Variants in DENND11 observed in about 807,000 individuals in gnomAD.
The protein encoded by DENND11 is DENN domain containing 11.
Under a neutral mutation model 49.2 loss-of-function variants are expected in DENND11, and 34 were observed. The ratio of observed to expected loss-of-function variants is 0.69; its 90% CI spans 0.53 to 0.92. The LOEUF (loss-of-function observed/expected upper bound fraction) is 0.92. Among genes scored for constraint, DENND11 ranks in the 40% least tolerant of loss-of-function variants. DENND11 has a pLI of 0.00. For missense variants in DENND11, 475 were observed against 581.6 expected (o/e 0.82, Z 1.88); for synonymous variants, 238 against 230.3 (o/e 1.03, Z -0.30).
chr7:141,692,996 GA>G (rs1363547021), intron 1 of DENND11, among the ~76,000 whole-genome samples: 1 of 151,922 alleles, frequency 6.6e-6, no homozygotes, highest in African/African-American at 2.4e-5. Context: ...ATTCATGAAG[GA>G]AAAATGGATA....
chr7:141,680,921 T>C, intron 3 of DENND11, among the ~76,000 whole-genome samples: 1 of 151,998 alleles, frequency 6.6e-6, no homozygotes, highest in Non-Finnish European at 1.5e-5. Flanking sequence ...GTCACTGTAT[T>C]GGGGGTCTCT....
In DENND11 at chr7:141,700,220, T is replaced by C. The variant is rs529691642; in HGVS notation, c.268+1666A>G. 5.3e-5 allele frequency among the ~76,000 whole-genome samples: 8 copies of C among 152,332 alleles called. No homozygotes were observed. In the South Asian group the frequency reaches 1.7e-3, roughly 32 times the overall value. ...TATTCCTTCTAGTTACTCTGAAATATTTCCCAGGATAAGTCAAATGCTGGT... is the reference window on the plus strand; with the variant it reads ...TATTCCTTCTAGTTACTCTGAAATACTTCCCAGGATAAGTCAAATGCTGGT... On this transcript the variant is annotated intron_variant, in intron 1 of 8. Coordinates refer to ENST00000536163, the MANE Select transcript of DENND11 (RefSeq NM_001080392.2).
At chr7:141,668,634 G>A (rs1003368591) in intron 4 of DENND11, among the ~76,000 whole-genome samples, 3 of 152,140 alleles carry the variant, frequency 2.0e-5, no homozygotes. Flanking sequence ...GAGGGAAGGT[G>A]TTCACATACA....
At chr7:141,673,252 A>C (rs1227005338) in intron 4 of DENND11, among the ~76,000 whole-genome samples, 3 of 152,184 alleles carry the variant, frequency 2.0e-5, no homozygotes, top group Non-Finnish European at 2.9e-5. Context: ...ATAAAAAAAA[A>C]AAAACAAAAA....
chr7:141,665,519 C>T (rs1451547186), intron 5 of DENND11, among the ~76,000 whole-genome samples: 3 of 152,186 alleles, frequency 2.0e-5, no homozygotes, highest in Admixed American at 6.5e-5. Flanking sequence ...ACGTCAACAA[C>T]GTGCTTCCCA....
chr7:141,672,679 T>G (rs532791298), intron 4 of DENND11, among the ~76,000 whole-genome samples: 1 of 152,344 alleles, frequency 6.6e-6, no homozygotes, highest in Non-Finnish European at 1.5e-5. Context: ...GATTCCTGAC[T>G]TACAGAAGCT....
intron 4 of DENND11, among the ~76,000 whole-genome samples, chr7:141,669,900 CCTG>C (rs1411303854): frequency 4.0e-5 from 6 of 148,846 alleles, no homozygotes; most frequent in Non-Finnish European, 7.4e-5. Context: ...GGCTCCGCCC[CCTG>C]GGGTTCACGC....
At chr7:141,701,366 CGGGGAGCG>C (rs1235658786) in intron 1 of DENND11, among the ~76,000 whole-genome samples, 1 of 130,676 alleles carries the variant, frequency 7.7e-6, no homozygotes, top group African/African-American at 2.9e-5. Flanking sequence ...CTAGGGCGAG[CGGGGAGCG>C]GGGGACGGGG....
intron 1 of DENND11, among the ~76,000 whole-genome samples, chr7:141,687,568 G>A (rs1268681069): frequency 2.7e-5 from 4 of 150,342 alleles, no homozygotes; most frequent in African/African-American, 7.3e-5. Context: ...GGTTCAAGGC[G>A]ATTCTCCTGC....
Position 141,664,206 on chromosome 7 carries a change from C to T in DENND11, c.1138G>A (p.Asp380Asn), listed in dbSNP as rs763103451. The T allele has an allele frequency of 1.3e-6, 2 of 1,584,214 alleles. No homozygotes were observed. Among genetic ancestry groups the T allele is most frequent in the Non-Finnish European group, 1.7e-6 (2 of 1,163,652 alleles). The part of the protein sequence containing the change: ...MLLYSQEVEE[D>N]YNPCEEDLFV... The stretch of plus-strand genomic sequence containing the variant: ...AGGTCCTCTTCACAAGGGTTGTAGT[C>T]TTCTTCTACTTCCTGGGAGTACAAC... The change falls in exon 8 of 9, where the codon GAC becomes AAC. Residue 380 changes from aspartate to asparagine, a missense_variant. Coordinates refer to ENST00000536163, the MANE Select transcript of DENND11 (RefSeq NM_001080392.2).
At chr7:141,687,147 C>G (rs1798255744) in intron 1 of DENND11, among the ~76,000 whole-genome samples, 1 of 152,122 alleles carries the variant, frequency 6.6e-6, no homozygotes. Flanking sequence ...AACATTTCTC[C>G]TCTTTTTCCT....
At chr7:141,690,363 A>G (rs376398933) in intron 1 of DENND11, among the ~76,000 whole-genome samples, 2 of 152,148 alleles carry the variant, frequency 1.3e-5, no homozygotes, top group African/African-American at 2.4e-5. Flanking sequence ...ACCTATCTTC[A>G]TGAGTTTCAG....
rs1241976112 is a variant in DENND11, at chr7:141,662,023, T to C, written c.*633A>G. The stretch of plus-strand genomic sequence containing the variant: ...GGTTTCCAGGCTTCATTCTATAATT[T>C]TAGTTTTCAGCTCACTGATAAGCAA... On this transcript the variant is annotated 3_prime_UTR_variant, in exon 9 of 9. Transcript: ENST00000536163. The C allele has an allele frequency of 2.0e-5, 3 of 152,204 alleles. No homozygotes were observed. Among genetic ancestry groups the C allele is most frequent in the African/African-American group, 7.2e-5 (3 of 41,452 alleles). 9.4% of individuals were successfully genotyped at this position (152,204 alleles called of 1,614,324 possible).
intron 3 of DENND11, among the ~76,000 whole-genome samples, chr7:141,675,663 T>C (rs1798052445): frequency 6.6e-6 from 1 of 152,162 alleles, no homozygotes; most frequent in South Asian, 2.1e-4. Flanking sequence ...CACAAACTGT[T>C]GAGTCAAGAT....
In DENND11 at chr7:141,702,105, G is replaced by T; in HGVS notation, c.49C>A (p.Pro17Thr). 5.1e-6 allele frequency: 5 copies of T among 984,374 alleles called. No individual in the cohort carries two copies. The highest frequency in any genetic ancestry group is 6.0e-6 in the Non-Finnish European group (5 of 830,666). 61.0% of individuals were successfully genotyped at this position (984,374 alleles called of 1,614,324 possible). A position where few individuals can be genotyped will look rare whatever the true frequency, so the allele number is the denominator to read the frequency against. Residue 17 changes from proline to threonine, a missense_variant, in exon 1 of 9, where the codon CCC (proline) becomes ACC (threonine). Pro to Thr is a conservative substitution (Grantham distance 38). Transcript: ENST00000536163. ...GGGGCCTGCGGCAGGGAGACGGCGG[G>T]GCCCTCGGCCCAGCGCAGCAGCGGC... is the stretch of plus-strand genomic sequence containing the variant. ...AAPLLRWAEG[P>T]AVSLPQAPQP...
chr7:141,685,663 G>A, intron 2 of DENND11, 27 bp from the exon 3 acceptor site: 1 of 1,611,062 alleles, frequency 6.2e-7, no homozygotes, highest in South Asian at 1.1e-5. Context: ...ACGTAGTGTG[G>A]CTCAAGATCA....
chr7:141,667,460 C>T (rs561050133), intron 4 of DENND11, among the ~76,000 whole-genome samples: 27 of 152,210 alleles, frequency 1.8e-4, no homozygotes, highest in Non-Finnish European at 2.8e-4. Flanking sequence ...CTTTAAGGAC[C>T]GCCTGAGACA....
chr7:141,666,374 G>A lies in DENND11; in HGVS notation c.733C>T (p.Gln245Ter). 6.2e-7 allele frequency: 1 copy of A among 1,613,198 alleles called. No individual in the cohort carries two copies. Among genetic ancestry groups the A allele is most frequent in the Non-Finnish European group, 8.5e-7 (1 of 1,179,402 alleles). ...MSQFIKFFGE[Q>*]ILILWKFALL... Reference sequence around the variant, plus strand: ...GCAAATTTCCAGAGGATGAGGATCTGTTCTCCAAAGAACTTTATAAACTGA... The same window carrying A: ...GCAAATTTCCAGAGGATGAGGATCTATTCTCCAAAGAACTTTATAAACTGA... The change falls in exon 5 of 9, where the codon CAG becomes TAG. Residue 245 changes from glutamine (Q) to a stop codon, truncating the protein, a stop_gained. Transcript: ENST00000536163. LOFTEE classifies it high-confidence loss of function.
intron 8 of DENND11, 200 bp downstream of exon 8, chr7:141,663,972 T>G: frequency 4.1e-6 from 2 of 484,384 alleles, no homozygotes. Context: ...AGGGACCTGC[T>G]TCTTTCCCTA....
Sources: allele counts gnomAD v4.1 joint callset (sites outside exome capture counted in the v4.1 genomes callset), GRCh38; gene constraint gnomAD v4.1.1; transcripts MANE v1.5; gene names NCBI Gene and HGNC (gene_info 2026-07-23, HGNC 2026-07-21).